The following APBA2 variants were observed in gnomAD, a reference collection of about 807,000 sequenced individuals.
The protein encoded by APBA2 is amyloid beta precursor protein binding family A member 2, also known as amyloid-beta A4 precursor protein-binding family A member 2.
Under a neutral mutation model 75.0 loss-of-function variants are expected in APBA2, and 30 were observed. The ratio of observed to expected loss-of-function variants is 0.40; its 90% CI spans 0.30 to 0.54. The LOEUF is 0.54. Among genes scored for constraint, APBA2 ranks in the 20% least tolerant of loss-of-function variants. The pLI, the probability that APBA2 is intolerant of heterozygous loss-of-function variation, is 0.49. For missense variants in APBA2, 801 were observed against 1,016.1 expected, an observed-to-expected ratio of 0.79 and a Z score of 2.88; for synonymous variants, 444 against 409.6, an observed-to-expected ratio of 1.08 and a Z score of -1.01.
chr15:29,070,804 G>A, intron 4 of APBA2: 1 of 289,680 alleles, frequency 3.5e-6, no homozygotes, highest in South Asian at 3.1e-5. Flanking sequence ...TGAGCTGGGT[G>A]GAGGAAGAAG....
intron 3 of APBA2, among the ~76,000 whole-genome samples, chr15:29,029,068 A>G (rs756749647): frequency 1.3e-5 from 2 of 152,184 alleles, no homozygotes; most frequent in Non-Finnish European, 2.9e-5. Flanking sequence ...CGATTTCATA[A>G]TGAAATCTTT....
chr15:28,970,332 A>G (rs2036996789), intron 2 of APBA2: 1 of 150,410 alleles, frequency 6.6e-6, no homozygotes. Context: ...TGTATGATGT[A>G]ATGTATGATA....
At chr15:29,050,087 A>C (rs2041522985) in intron 3 of APBA2, among the ~76,000 whole-genome samples, 1 of 152,202 alleles carries the variant, frequency 6.6e-6, no homozygotes, top group South Asian at 2.1e-4. Flanking sequence ...AGTTTGCTGG[A>C]ATTTCTGAAC....
intron 3 of APBA2, among the ~76,000 whole-genome samples, chr15:29,032,161 GTCAT>G (rs1238268839): frequency 2.6e-5 from 4 of 152,244 alleles, no homozygotes. Flanking sequence ...AAGAGGCAGA[GTCAT>G]TCCTGTGTAG....
At chr15:28,947,826 T>A (rs772335617) in intron 2 of APBA2, among the ~76,000 whole-genome samples, 31 of 152,178 alleles carry the variant, frequency 2.0e-4, no homozygotes, top group Non-Finnish European at 4.0e-4. Context: ...CATTTATGGG[T>A]TTTTCCTCTA....
At chr15:28,919,573 A>G (rs576975863) in intron 1 of APBA2, 1 of 152,736 alleles carries the variant, frequency 6.5e-6, no homozygotes, top group South Asian at 2.1e-4. Context: ...CTCAGTATGC[A>G]GGGCTGGTTC....
intron 3 of APBA2, among the ~76,000 whole-genome samples, chr15:29,005,319 G>T (rs1261528154): frequency 6.6e-6 from 1 of 151,960 alleles, no homozygotes; most frequent in East Asian, 1.9e-4. Flanking sequence ...GGAGTGCAGT[G>T]CTGCAATCTC....
chr15:28,992,917 T>C (rs1399576522), intron 2 of APBA2, among the ~76,000 whole-genome samples: 1 of 152,188 alleles, frequency 6.6e-6, no homozygotes, highest in Non-Finnish European at 1.5e-5. Flanking sequence ...TTGAGAAGGA[T>C]TTAATTGTTC....
In APBA2 at chr15:28,921,995, A is replaced by G. The variant is rs2033997567; in HGVS notation, c.-95+246A>G. Among the ~76,000 whole-genome samples, 4 of 152,222 alleles carry G rather than the reference A, an allele frequency of 2.6e-5. No individual in the cohort carries two copies. The South Asian group carries it at 8.3e-4, about 31-fold the overall frequency. ...AGACATTTACAGGGGACCAGTTGCT[A>G]GGAGAAGACTGTGCATTCCCTGTAA... On this transcript the variant is annotated intron_variant, in intron 2 of 14. Transcript: ENST00000683413.
At chr15:28,962,523 C>T (rs536603738) in intron 2 of APBA2, among the ~76,000 whole-genome samples, 3 of 151,930 alleles carry the variant, frequency 2.0e-5, no homozygotes, top group African/African-American at 4.8e-5. Flanking sequence ...GAGCAGAGAT[C>T]GCGCCACTGC....
intron 3 of APBA2, among the ~76,000 whole-genome samples, chr15:29,005,635 C>G (rs2039075289): frequency 6.6e-6 from 1 of 152,146 alleles, no homozygotes; most frequent in Non-Finnish European, 1.5e-5. Context: ...GAGGCCAAGG[C>G]AGGTGGATCA....
At position 29,055,668 on chromosome 15, in the gene APBA2, A is replaced by AGTGTGTGTGTGT. The variant is rs57671107; in HGVS notation, c.951+866_951+877dup. On this transcript the variant is annotated intron_variant, in intron 4 of 14. Transcript: ENST00000683413. Reference sequence around the variant, plus strand: ...TTTCCGAGAAGAGTTCATGAATTTGAGTGTGTGTGTGTGTGTGTGTGTGTG... The same window carrying AGTGTGTGTGTGT: ...TTTCCGAGAAGAGTTCATGAATTTGAGTGTGTGTGTGTGTGTGTGTGTGTGTGTGTGTGTGTG... 5.0e-3 allele frequency among the ~76,000 whole-genome samples: 642 copies of AGTGTGTGTGTGT among 127,498 alleles called. 6 individuals are homozygous for AGTGTGTGTGTGT. Among genetic ancestry groups the AGTGTGTGTGTGT allele is most frequent in the Admixed American group, 0.015 (198 of 12,816 alleles). The allele number at this position is 127,498 out of a possible 152,430, so 83.6% of individuals were successfully genotyped here.
chr15:29,070,904 C>T (rs79907294), intron 4 of APBA2: 14,178 of 338,024 alleles, frequency 0.042, 640 homozygotes, highest in African/African-American at 0.14. Flanking sequence ...TGTCATCTAA[C>T]GGAGTCATTC....
intron 1 of APBA2, among the ~76,000 whole-genome samples, chr15:28,887,730 T>C (rs949825023): frequency 3.3e-5 from 5 of 151,942 alleles, no homozygotes; most frequent in African/African-American, 1.2e-4. Context: ...GTCCAGGGCG[T>C]GAGTGGGTAA....
intron 2 of APBA2, among the ~76,000 whole-genome samples, chr15:28,984,810 C>T (rs972074121): frequency 2.0e-5 from 3 of 150,810 alleles, no homozygotes; most frequent in East Asian, 2.0e-4. Context: ...CGCTCTCTCT[C>T]CCCCCTCCCA....
intron 14 of APBA2, among the ~76,000 whole-genome samples, chr15:29,114,780 G>C (rs111207238): frequency 1.3e-4 from 12 of 89,272 alleles, no homozygotes; most frequent in Non-Finnish European, 3.2e-4. Context: ...CTGAGTGTGC[G>C]TGTGGAGGAG....
chr15:28,963,230 G>C (rs1343510285), intron 2 of APBA2, among the ~76,000 whole-genome samples: 4 of 152,180 alleles, frequency 2.6e-5, no homozygotes, highest in Non-Finnish European at 5.9e-5. Context: ...TCAGTGTATA[G>C]GTCTTCCTAG....
intron 1 of APBA2, among the ~76,000 whole-genome samples, chr15:28,912,247 GAGTC>G (rs1172989969): frequency 6.6e-6 from 1 of 152,208 alleles, no homozygotes; most frequent in African/African-American, 2.4e-5. Flanking sequence ...TGACATGTAA[GAGTC>G]AGGCCATTTC....
intron 3 of APBA2, among the ~76,000 whole-genome samples, chr15:28,996,479 C>A (rs1406139003): frequency 6.6e-6 from 1 of 152,112 alleles, no homozygotes; most frequent in Non-Finnish European, 1.5e-5. Flanking sequence ...GGAACAGAGC[C>A]CTGGTGCCAG....
Sources: allele counts gnomAD v4.1 joint callset (sites outside exome capture counted in the v4.1 genomes callset), GRCh38; gene constraint gnomAD v4.1.1; transcripts MANE v1.5; gene names NCBI Gene and HGNC (gene_info 2026-07-23, HGNC 2026-07-21).